The following FBXL13 variants were observed in gnomAD, a reference collection of about 807,000 sequenced individuals.
FBXL13 encodes F-box and leucine rich repeat protein 13.
FBXL13 carries 67 observed loss-of-function variants against 83.6 expected under a neutral mutation model. That is an observed-to-expected ratio of 0.80 (90% CI 0.66 to 0.98). The LOEUF is 0.98. Among genes scored for constraint, FBXL13 ranks in the 50% least tolerant of loss-of-function variants. The probability of loss-of-function intolerance (pLI) is 0.00; values close to 1 mark genes in which losing one functional copy is unlikely to be tolerated. For missense variants in FBXL13, 822 were observed against 866.5 expected (o/e 0.95, Z 0.64); for synonymous variants, 272 against 299.5 (o/e 0.91, Z 0.95).
At chr7:103,020,413 AC>A (rs1793007583) in intron 6 of FBXL13, among the ~76,000 whole-genome samples, 1 of 152,250 alleles carries the variant, frequency 6.6e-6, no homozygotes, top group African/African-American at 2.4e-5. Context: ...GAAAACTAGC[AC>A]AAGACAAGGA....
intron 10 of FBXL13, among the ~76,000 whole-genome samples, chr7:102,917,375 A>C (rs925566575): frequency 6.6e-6 from 1 of 152,250 alleles, no homozygotes. Flanking sequence ...TTAAAGAGCA[A>C]AGATCATAAT....
intron 6 of FBXL13, among the ~76,000 whole-genome samples, chr7:103,023,102 C>A (rs1793407823): frequency 1.3e-5 from 2 of 152,100 alleles, no homozygotes; most frequent in Admixed American, 6.6e-5. Context: ...CGGTGAAACC[C>A]CGCCTCTACT....
chr7:102,964,036 C>T (rs1383503956), intron 7 of FBXL13, among the ~76,000 whole-genome samples: 1 of 152,186 alleles, frequency 6.6e-6, no homozygotes, highest in Non-Finnish European at 1.5e-5. Context: ...TGAGGTCGGG[C>T]ACGGTGGCTC....
chr7:102,947,215 G>A (rs1449732751), intron 8 of FBXL13, among the ~76,000 whole-genome samples: 1 of 152,186 alleles, frequency 6.6e-6, no homozygotes, highest in Non-Finnish European at 1.5e-5. Flanking sequence ...GCCAAGATTT[G>A]ATGATGGAAA....
chr7:102,829,450 C>T (rs1800274852), intron 18 of FBXL13, among the ~76,000 whole-genome samples: 1 of 152,188 alleles, frequency 6.6e-6, no homozygotes, highest in South Asian at 2.1e-4. Context: ...ATTGCAGAGA[C>T]ATTTTGTCAT....
intron 11 of FBXL13, among the ~76,000 whole-genome samples, chr7:102,885,377 G>A (rs2129459339): frequency 6.6e-6 from 1 of 151,818 alleles, no homozygotes; most frequent in South Asian, 2.1e-4. Context: ...AATGATATGA[G>A]TATCTTTTCA....
intron 2 of FBXL13, among the ~76,000 whole-genome samples, chr7:103,035,455 G>A (rs1023763644): frequency 6.6e-6 from 1 of 152,156 alleles, no homozygotes; most frequent in Admixed American, 6.5e-5. Flanking sequence ...CTGGGGAAGT[G>A]TTGTAGTAAA....
rs141414920 is a variant in FBXL13 at position 102,892,903 on chromosome 7, G to T, written c.1009-8591C>A. Among the ~76,000 whole-genome samples the T allele has an allele frequency of 3.8e-3, 578 of 152,252 alleles. 5 individuals carry two copies. The highest frequency in any genetic ancestry group is 0.014 in the African/African-American group (570 of 41,556). ...TGTTGGTAGCTTAAAATAGGCCATG[G>T]TGAGAGTATTTACACCATAGAATTC... On this transcript the variant is annotated intron_variant, in intron 11 of 19. Coordinates refer to ENST00000313221, the Ensembl canonical transcript of FBXL13.
chr7:102,950,202 G>A (rs1279688949), intron 8 of FBXL13, among the ~76,000 whole-genome samples: 1 of 152,144 alleles, frequency 6.6e-6, no homozygotes, highest in East Asian at 1.9e-4. Flanking sequence ...CAGAAAGATA[G>A]AAGCATATGA....
intron 1 of FBXL13, among the ~76,000 whole-genome samples, chr7:103,069,898 G>A (rs1302636720): frequency 2.0e-5 from 3 of 152,244 alleles, no homozygotes; most frequent in Middle Eastern, 3.4e-3. Context: ...CTAACACGGT[G>A]AAACCCCGTC....
chr7:102,990,357 G>A (rs1829434740), intron 6 of FBXL13, among the ~76,000 whole-genome samples: 1 of 152,164 alleles, frequency 6.6e-6, no homozygotes, highest in East Asian at 1.9e-4. Flanking sequence ...AAGTGCTACT[G>A]AAAAAGCAAG....
intron 6 of FBXL13, among the ~76,000 whole-genome samples, 164 bp downstream of exon 7, chr7:103,024,899 C>T (rs28540944): frequency 2.2e-4 from 20 of 90,650 alleles, no homozygotes; most frequent in Non-Finnish European, 2.8e-4. Context: ...TTGCTATTGT[C>T]GCCCAGGCTG....
chr7:102,976,692 A>G (rs1691807694), intron 6 of FBXL13, among the ~76,000 whole-genome samples: 1 of 152,134 alleles, frequency 6.6e-6, no homozygotes, highest in Non-Finnish European at 1.5e-5. Context: ...TTCCTATCAC[A>G]GAAGCAGTAT....
Position 103,024,135 on chromosome 7 carries a change from A to AAGAGAGAGAGAGAGAGAG in FBXL13, c.495+910_495+927dup, listed in dbSNP as rs59206823. ...CCCTCAACCTAAAATAAAAGTTAAA[A>AAGAGAGAGAGAGAGAGAG]AGAGAGAGAGAGAGAGAGAGAGAGA... On this transcript the variant is annotated intron_variant, in intron 6 of 19. Transcript: ENST00000313221. Among the ~76,000 whole-genome samples, 106 of 96,670 alleles carry AAGAGAGAGAGAGAGAGAG rather than the reference A, an allele frequency of 1.1e-3. 5 individuals are homozygous for AAGAGAGAGAGAGAGAGAG. The highest frequency in any genetic ancestry group is 2.1e-3 in the Admixed American group (16 of 7,474). 63.4% of individuals were successfully genotyped at this position (96,670 alleles called of 152,430 possible). A position where few individuals can be genotyped will look rare whatever the true frequency, so the allele number is the denominator to read the frequency against.
At chr7:102,817,937 A>G (rs1406536105) in intron 19 of FBXL13, among the ~76,000 whole-genome samples, 1 of 152,230 alleles carries the variant, frequency 6.6e-6, no homozygotes, top group Non-Finnish European at 1.5e-5. Flanking sequence ...AGTATAGAAC[A>G]GTGATTTTCA....
chr7:102,886,311 C>T (rs961042120), intron 11 of FBXL13, among the ~76,000 whole-genome samples: 1 of 152,160 alleles, frequency 6.6e-6, no homozygotes, highest in Non-Finnish European at 1.5e-5. Flanking sequence ...ATGACAGGGA[C>T]AATGAGGAGC....
chr7:102,977,045 G>A (rs1827572387), intron 6 of FBXL13, among the ~76,000 whole-genome samples: 1 of 152,122 alleles, frequency 6.6e-6, no homozygotes, highest in Admixed American at 6.5e-5. Flanking sequence ...CACCCATGGA[G>A]TCCCTGTGTA....
At chr7:103,042,071 A>C (rs538337395) in intron 2 of FBXL13, among the ~76,000 whole-genome samples, 36 of 152,282 alleles carry the variant, frequency 2.4e-4, no homozygotes, top group South Asian at 1.9e-3. Flanking sequence ...TATTTAGAAA[A>C]ACCCATTGTC....
intron 14 of FBXL13, among the ~76,000 whole-genome samples, chr7:102,880,323 A>T (rs957064027): frequency 1.3e-5 from 2 of 152,174 alleles, no homozygotes; most frequent in South Asian, 4.1e-4. Context: ...AATTAAGCTT[A>T]ATCTTTTTAC....
Sources: gnomAD v4.1 joint callset for allele counts (sites outside exome capture counted in the v4.1 genomes callset) on GRCh38, gnomAD v4.1.1 for gene constraint, MANE v1.5 for transcripts, NCBI Gene and HGNC (gene_info 2026-07-23, HGNC 2026-07-21) for gene names.